Variants in PCDH7 observed in about 807,000 individuals in gnomAD.
PCDH7 encodes the protein protocadherin 7, also known as protocadherin-7.
In PCDH7, 17 loss-of-function variants were observed where a neutral mutation model predicts 58.9. The ratio of observed to expected loss-of-function variants is 0.29; its 90% CI spans 0.20 to 0.43. The LOEUF is 0.43. Ranked by LOEUF, PCDH7 falls within the 20% of genes least tolerant of loss-of-function variation. The pLI, the probability that PCDH7 is intolerant of heterozygous loss-of-function variation, is 1.00. For synonymous variants in PCDH7, 664 were observed against 616.4 expected, an observed-to-expected ratio of 1.08 and a Z score of -1.14; for missense variants, 1,274 against 1,441.0, an observed-to-expected ratio of 0.88 and a Z score of 1.88.
At chr4:31,078,419 G>T (rs1338359563) in intron 3 of PCDH7, among the ~76,000 whole-genome samples, 1 of 151,780 alleles carries the variant, frequency 6.6e-6, no homozygotes, top group Admixed American at 6.6e-5. Flanking sequence ...AGTAGCCAGG[G>T]CTACAGGCAC....
intron 3 of PCDH7, among the ~76,000 whole-genome samples, chr4:31,087,666 T>C (rs146513219): frequency 1.6e-3 from 247 of 152,208 alleles, no homozygotes; most frequent in African/African-American, 5.6e-3. Context: ...ATTCCTTTAA[T>C]TGCACACATT....
chr4:30,752,783 C>CAAAAAAAAAAAAAAAAAAAA (rs35860745), intron 1 of PCDH7, among the ~76,000 whole-genome samples: 5 of 99,520 alleles, frequency 5.0e-5, no homozygotes, highest in African/African-American at 7.5e-5. Flanking sequence ...CCTGTAGGGG[C>CAAAAAAAAAAAAAAAAAAAA]AAAAAAAAAA....
At chr4:31,029,562 A>G (rs974927651) in intron 3 of PCDH7, among the ~76,000 whole-genome samples, 3 of 152,220 alleles carry the variant, frequency 2.0e-5, no homozygotes, top group Non-Finnish European at 4.4e-5. Flanking sequence ...ACGGTTTAGC[A>G]CTGACAAGTC....
chr4:30,903,749 T>C (rs1418345263), intron 1 of PCDH7, among the ~76,000 whole-genome samples: 3 of 152,138 alleles, frequency 2.0e-5, no homozygotes, highest in Non-Finnish European at 4.4e-5. Context: ...CTAAATACAA[T>C]ATTAGTTATC....
intron 3 of PCDH7, among the ~76,000 whole-genome samples, chr4:31,122,831 T>C (rs1185900556): frequency 1.3e-5 from 2 of 152,016 alleles, no homozygotes; most frequent in African/African-American, 4.8e-5. Context: ...AAATGAGAGA[T>C]TATACCTAGT....
intron 1 of PCDH7, among the ~76,000 whole-genome samples, chr4:30,753,811 A>C (rs1364921158): frequency 6.6e-6 from 1 of 152,180 alleles, no homozygotes; most frequent in Non-Finnish European, 1.5e-5. Flanking sequence ...TCCTCCCAAA[A>C]AAATAATTAC....
At chr4:30,899,995 G>A (rs1296741047) in intron 1 of PCDH7, among the ~76,000 whole-genome samples, 1 of 152,080 alleles carries the variant, frequency 6.6e-6, no homozygotes, top group African/African-American at 2.4e-5. Context: ...CTCAAAACTT[G>A]GTGTGCATCA....
chr4:31,038,121 T>C (rs1578627519), intron 3 of PCDH7, among the ~76,000 whole-genome samples: 2 of 152,156 alleles, frequency 1.3e-5, no homozygotes, highest in East Asian at 3.9e-4. Flanking sequence ...GAAAATAAAT[T>C]GCACAATATG....
intron 3 of PCDH7, among the ~76,000 whole-genome samples, chr4:31,075,641 C>T (rs1277649121): frequency 2.0e-5 from 3 of 152,150 alleles, no homozygotes; most frequent in Non-Finnish European, 2.9e-5. Flanking sequence ...CATTACTCCT[C>T]TGATAATGCT....
intron 2 of PCDH7, chr4:30,950,004 A>T (rs1747189476): frequency 6.6e-6 from 1 of 152,574 alleles, no homozygotes; most frequent in African/African-American, 2.4e-5. Flanking sequence ...TTTTAAAGAA[A>T]GCAAACAAAC....
chr4:31,083,192 A>G (rs1711838065), intron 3 of PCDH7, among the ~76,000 whole-genome samples: 1 of 152,150 alleles, frequency 6.6e-6, no homozygotes, highest in African/African-American at 2.4e-5. Flanking sequence ...CTAAAATCTG[A>G]AAATTCACCA....
intron 1 of PCDH7, among the ~76,000 whole-genome samples, chr4:30,817,756 T>C (rs2109318868): frequency 6.6e-6 from 1 of 152,238 alleles, no homozygotes; most frequent in Non-Finnish European, 1.5e-5. Flanking sequence ...TCTACTATCT[T>C]TTCTGCCTGG....
intron 1 of PCDH7, among the ~76,000 whole-genome samples, chr4:30,855,797 T>C (rs905392802): frequency 6.6e-6 from 1 of 152,142 alleles, no homozygotes; most frequent in Non-Finnish European, 1.5e-5. Flanking sequence ...GTATTCACCC[T>C]GAATAGGTCA....
At chr4:31,126,245 G>A (rs1718287631) in intron 3 of PCDH7, among the ~76,000 whole-genome samples, 1 of 150,482 alleles carries the variant, frequency 6.6e-6, no homozygotes, top group South Asian at 2.1e-4. Flanking sequence ...TGCCCCTGCT[G>A]CCTGGGTTCA....
chr4:30,946,271 G>A (rs936716664), intron 2 of PCDH7, among the ~76,000 whole-genome samples: 1 of 152,132 alleles, frequency 6.6e-6, no homozygotes, highest in Non-Finnish European at 1.5e-5. Context: ...TTTGACAAAT[G>A]TTTAATAACG....
At chr4:30,861,114 G>C (rs1734141640) in intron 1 of PCDH7, among the ~76,000 whole-genome samples, 1 of 152,158 alleles carries the variant, frequency 6.6e-6, no homozygotes, top group African/African-American at 2.4e-5. Flanking sequence ...AAATGTTCTT[G>C]GGTTGTTTGC....
At chr4:30,862,059 T>A (rs911316562) in intron 1 of PCDH7, among the ~76,000 whole-genome samples, 1 of 152,158 alleles carries the variant, frequency 6.6e-6, no homozygotes, top group Non-Finnish European at 1.5e-5. Flanking sequence ...AAGTCCTCAC[T>A]TTATGGTTGA....
chr4:30,806,461 C>G (rs1726224949), intron 1 of PCDH7, among the ~76,000 whole-genome samples: 1 of 151,930 alleles, frequency 6.6e-6, no homozygotes, highest in Non-Finnish European at 1.5e-5. Context: ...TGCCACCATG[C>G]CTGGCTAAAT....
intron 1 of PCDH7, among the ~76,000 whole-genome samples, chr4:30,755,577 T>C (rs1719186536): frequency 6.6e-6 from 1 of 152,060 alleles, no homozygotes; most frequent in African/African-American, 2.4e-5. Flanking sequence ...AAGGGGGAGA[T>C]TGACTCCTGT....
Sources: allele counts gnomAD v4.1 joint callset (sites outside exome capture counted in the v4.1 genomes callset), GRCh38; gene constraint gnomAD v4.1.1; transcripts MANE v1.5; gene names NCBI Gene and HGNC (gene_info 2026-07-23, HGNC 2026-07-21).